SLC3A1: variants seen among roughly 807,000 people sequenced by gnomAD.
SLC3A1 encodes the protein amino acid transporter heavy chain SLC3A1.
A neutral mutation model predicts 60.3 loss-of-function variants in SLC3A1; 78 were observed. That is an observed-to-expected ratio of 1.29 (90% CI 1.08 to 1.56). SLC3A1 has a LOEUF of 1.56. SLC3A1 is among the 40% of genes most tolerant of loss of function. SLC3A1 has a pLI of 0.00. For synonymous variants in SLC3A1, 392 were observed against 307.9 expected (o/e 1.27, Z -2.86); for missense variants, 1,172 against 858.9 (o/e 1.36, Z -4.56).
At chr2:44,319,576 G>C (rs973453727) in intron 9 of SLC3A1, 2 of 152,518 alleles carry the variant, frequency 1.3e-5, no homozygotes, top group African/African-American at 2.4e-5. Context: ...GTTTTATATA[G>C]CTGTAAAATA....
At chr2:44,316,640 C>T (rs1379321459) in intron 9 of SLC3A1, among the ~76,000 whole-genome samples, 2 of 152,108 alleles carry the variant, frequency 1.3e-5, no homozygotes, top group African/African-American at 2.4e-5. Context: ...AAGAGAACTC[C>T]AAAACTACTC....
At chr2:44,306,161 A>G (rs1019592303) in intron 7 of SLC3A1, among the ~76,000 whole-genome samples, 1 of 152,168 alleles carries the variant, frequency 6.6e-6, no homozygotes, top group African/African-American at 2.4e-5. Flanking sequence ...GCCTTACACT[A>G]GTCAATATCT....
chr2:44,313,288 G>A (rs1672343983), intron 8 of SLC3A1, among the ~76,000 whole-genome samples: 3 of 152,088 alleles, frequency 2.0e-5, no homozygotes, highest in Admixed American at 2.0e-4. Flanking sequence ...GTGTTGCTGG[G>A]TAGACGACTA....
intron 4 of SLC3A1, among the ~76,000 whole-genome samples, chr2:44,296,731 T>C (rs1457004290): frequency 6.6e-6 from 1 of 152,206 alleles, no homozygotes; most frequent in Admixed American, 6.5e-5. Flanking sequence ...AACAAGTTGA[T>C]ATGGTTTGGC....
At chr2:44,287,337 T>C (rs1394452007) in intron 4 of SLC3A1, among the ~76,000 whole-genome samples, 2 of 152,056 alleles carry the variant, frequency 1.3e-5, no homozygotes, top group Non-Finnish European at 2.9e-5. Flanking sequence ...AAAGGAACCA[T>C]GTGACTATCT....
intron 6 of SLC3A1, among the ~76,000 whole-genome samples, chr2:44,303,115 C>A (rs1258057186): frequency 6.6e-6 from 1 of 151,610 alleles, no homozygotes; most frequent in Non-Finnish European, 1.5e-5. Context: ...GCAGGAGAAT[C>A]ACTTGCACCT....
At chr2:44,301,189 C>T in intron 6 of SLC3A1, 62 bp downstream of exon 6, 3 of 1,598,288 alleles carry the variant, frequency 1.9e-6, no homozygotes, top group Non-Finnish European at 2.6e-6. Context: ...CAGTGTATCC[C>T]TCACAACCAA....
intron 4 of SLC3A1, among the ~76,000 whole-genome samples, chr2:44,291,647 C>G (rs142020853): frequency 6.6e-6 from 1 of 152,176 alleles, no homozygotes; most frequent in East Asian, 1.9e-4. Flanking sequence ...CTCCTCCCCA[C>G]CTTACCCCCA....
intron 4 of SLC3A1, 46 bp downstream of exon 4, chr2:44,286,203 G>T (rs780722497): frequency 1.9e-6 from 3 of 1,589,832 alleles, no homozygotes; most frequent in African/African-American, 2.7e-5. Flanking sequence ...TGGAGGTTTA[G>T]GTATTTATTT....
At chr2:44,297,814 T>G (rs1273199435) in intron 4 of SLC3A1, among the ~76,000 whole-genome samples, 3 of 152,140 alleles carry the variant, frequency 2.0e-5, no homozygotes, top group Non-Finnish European at 4.4e-5. Context: ...GCCCGGCTGG[T>G]CTAGAACTCC....
intron 4 of SLC3A1, among the ~76,000 whole-genome samples, chr2:44,296,370 G>T (rs1438954541): frequency 2.0e-5 from 3 of 152,146 alleles, no homozygotes; most frequent in Non-Finnish European, 1.5e-5. Flanking sequence ...TAGTTCCAGG[G>T]CTTGCCTAAG....
chr2:44,285,927 C>G (rs887969646), intron 3 of SLC3A1, 105 bp from the exon 4 acceptor site: 2 of 1,443,716 alleles, frequency 1.4e-6, no homozygotes, highest in Non-Finnish European at 1.9e-6. Context: ...GGAAAACTCT[C>G]AGGATTTACA....
chr2:44,304,588 G>T (rs1287493284), intron 7 of SLC3A1, among the ~76,000 whole-genome samples: 1 of 152,076 alleles, frequency 6.6e-6, no homozygotes, highest in African/African-American at 2.4e-5. Flanking sequence ...GCTTTTTGGG[G>T]ATGGATATCA....
In SLC3A1 at chr2:44,320,421, C is replaced by T; in HGVS notation, c.1840C>T (p.Leu614Phe). The T allele has an allele frequency of 6.2e-7, 1 of 1,614,008 alleles. No individual in the cohort carries two copies. ...AAATCTACATAATATGATTTCGGGC[C>T]TTCCCGCTAAAATGAGAATAAGGTT... ...LLNLHNMISG[L>F]PAKMRIRLST... Residue 614 changes from leucine to phenylalanine, a missense_variant, in exon 10 of 10, where the codon CTT becomes TTT. By Grantham distance (22) the Leu-to-Phe change is conservative. Transcript: ENST00000260649.
chr2:44,321,170 C>G lies in SLC3A1; in HGVS notation c.*531C>G. ...ACTTTCCTAGGTTAATGGGCATGTG[C>G]ATCAATGGAGAGAATAGTATAAGCA... On this transcript the variant is annotated 3_prime_UTR_variant, in exon 10 of 10. Transcript: ENST00000260649. The G allele has an allele frequency of 1.7e-6, 1 of 581,736 alleles. No homozygotes were observed. The highest frequency in any genetic ancestry group is 2.9e-5 in the East Asian group (1 of 34,140). 36.0% of individuals were successfully genotyped at this position (581,736 alleles called of 1,614,324 possible). A position where few individuals can be genotyped will look rare whatever the true frequency, so the allele number is the denominator to read the frequency against.
chr2:44,289,197 CTTTTTCTTTTTCTT>C (rs1315226949), intron 4 of SLC3A1, among the ~76,000 whole-genome samples: 2 of 145,822 alleles, frequency 1.4e-5, no homozygotes, highest in African/African-American at 2.6e-5. Flanking sequence ...CTTACATATT[CTTTTTCTTTTTCTT>C]TTTTTCTTTT....
intron 9 of SLC3A1, among the ~76,000 whole-genome samples, chr2:44,315,679 G>GC: frequency 1.6e-5 from 2 of 128,964 alleles, no homozygotes; most frequent in Admixed American, 8.0e-5. Flanking sequence ...AAAAAAAGCA[G>GC]AGAATAGAAG....
chr2:44,315,500 C>G (rs577903917), intron 9 of SLC3A1, among the ~76,000 whole-genome samples: 3 of 71,634 alleles, frequency 4.2e-5, no homozygotes, highest in Non-Finnish European at 8.5e-5. Context: ...CCCCTACCCC[C>G]GCCAAAAAAA....
intron 5 of SLC3A1, 56 bp from the exon 6 acceptor site, chr2:44,300,947 G>C: frequency 1.2e-6 from 2 of 1,610,008 alleles, no homozygotes; most frequent in South Asian, 1.1e-5. Flanking sequence ...TATAGAGCGA[G>C]CTGTGGGCAT....
Sources: gnomAD v4.1 joint callset for allele counts (sites outside exome capture counted in the v4.1 genomes callset) on GRCh38, gnomAD v4.1.1 for gene constraint, MANE v1.5 for transcripts, NCBI Gene and HGNC (gene_info 2026-07-23, HGNC 2026-07-21) for gene names.